The following CNTN3 variants were observed in gnomAD, a reference collection of about 807,000 sequenced individuals.
The protein encoded by CNTN3 is contactin-3.
CNTN3 carries 60 observed loss-of-function variants against 119.1 expected under a neutral mutation model. That is an observed-to-expected ratio of 0.50 (90% confidence interval 0.41 to 0.62). The LOEUF (loss-of-function observed/expected upper bound fraction) is 0.62. CNTN3 is among the 20% of genes least tolerant of loss of function. The pLI, the probability that CNTN3 is intolerant of heterozygous loss-of-function variation, is 0.00. For missense variants in CNTN3, 1,101 were observed against 1,242.4 expected, an observed-to-expected ratio of 0.89 and a Z score of 1.71; for synonymous variants, 450 against 438.7, an observed-to-expected ratio of 1.03 and a Z score of -0.32.
chr3:74,373,010 T>A (rs1270871706), intron 5 of CNTN3, among the ~76,000 whole-genome samples: 1 of 152,214 alleles, frequency 6.6e-6, no homozygotes, highest in Non-Finnish European at 1.5e-5. Flanking sequence ...AATTGCAAAT[T>A]ATACAGACAT....
intron 1 of CNTN3, among the ~76,000 whole-genome samples, chr3:74,582,942 G>A (rs1304334370): frequency 1.3e-5 from 2 of 152,094 alleles, no homozygotes; most frequent in Admixed American, 1.3e-4. Flanking sequence ...GAACCTGTGG[G>A]ATTTTAATTT....
intron 16 of CNTN3, among the ~76,000 whole-genome samples, chr3:74,300,977 G>C (rs535112360): frequency 4.3e-4 from 65 of 152,246 alleles, no homozygotes; most frequent in African/African-American, 1.5e-3. Flanking sequence ...TTCATCAATT[G>C]CTTAAGCTCC....
intron 16 of CNTN3, among the ~76,000 whole-genome samples, 197 bp from the exon 17 acceptor site, chr3:74,300,135 T>C (rs972346781): frequency 6.6e-6 from 1 of 152,160 alleles, no homozygotes; most frequent in Non-Finnish European, 1.5e-5. Context: ...ACAACATATT[T>C]ACATGAAATC....
intron 20 of CNTN3, among the ~76,000 whole-genome samples, chr3:74,275,530 T>C (rs1245055203): frequency 1.3e-5 from 2 of 152,198 alleles, no homozygotes; most frequent in African/African-American, 4.8e-5. Flanking sequence ...CAGCCAATAA[T>C]TTTGTATCCA....
chr3:74,546,207 G>A (rs1166498299), intron 1 of CNTN3, among the ~76,000 whole-genome samples: 1 of 152,136 alleles, frequency 6.6e-6, no homozygotes, highest in Non-Finnish European at 1.5e-5. Flanking sequence ...GTGTTAACCA[G>A]GATTGTCTCG....
chr3:74,496,230 C>G (rs1703060838), intron 3 of CNTN3, among the ~76,000 whole-genome samples: 1 of 152,082 alleles, frequency 6.6e-6, no homozygotes, highest in Non-Finnish European at 1.5e-5. Flanking sequence ...TACGACTTAC[C>G]TTTTTTGGTC....
chr3:74,275,568 G>T (rs928033193), intron 20 of CNTN3, among the ~76,000 whole-genome samples: 1 of 152,002 alleles, frequency 6.6e-6, no homozygotes. Flanking sequence ...ATAAAAGAAA[G>T]ATACAGTCTT....
At chr3:74,309,683 T>G (rs566350163) in intron 13 of CNTN3, among the ~76,000 whole-genome samples, 3 of 152,208 alleles carry the variant, frequency 2.0e-5, no homozygotes, top group Non-Finnish European at 4.4e-5. Context: ...TCCTGGGATA[T>G]TGCATTCCTC....
intron 1 of CNTN3, among the ~76,000 whole-genome samples, chr3:74,576,170 C>T (rs1022638860): frequency 1.3e-5 from 2 of 152,108 alleles, no homozygotes; most frequent in Non-Finnish European, 2.9e-5. Flanking sequence ...ATTTTCCTTC[C>T]TTCAAATCTA....
At chr3:74,536,282 G>A (rs986744685) in intron 1 of CNTN3, among the ~76,000 whole-genome samples, 10 of 152,062 alleles carry the variant, frequency 6.6e-5, no homozygotes, top group African/African-American at 2.2e-4. Flanking sequence ...GTAGGCCACA[G>A]AAGCCTCCCC....
rs1427919961 is a variant in CNTN3, at chr3:74,266,620, G to A, written c.2847C>T (p.Asn949=). 20 of 1,613,144 alleles carry A rather than the reference G, an allele frequency of 1.2e-5. No individual in the cohort carries two copies. The East Asian group carries it at 1.3e-4, about 11-fold the overall frequency. Residue 949 remains asparagine, a synonymous_variant, in exon 22 of 23, where the codon AAC becomes AAT. Coordinates refer to ENST00000263665, the MANE Select transcript of CNTN3 (RefSeq NM_020872.3). ...TTTTATTTGTGTTCAGTACTTGTAC[G>A]TTATTTTGACTGCTAGTCCTATAGA... is the stretch of plus-strand genomic sequence containing the variant. The part of the protein sequence containing the change: ...KVFYRTSSQN[N]VQVLNTNKTS...
intron 3 of CNTN3, among the ~76,000 whole-genome samples, chr3:74,490,325 G>A (rs1702939391): frequency 6.6e-6 from 1 of 152,174 alleles, no homozygotes; most frequent in Admixed American, 6.5e-5. Flanking sequence ...AGACTCTCAT[G>A]ACAAAGGGCA....
intron 11 of CNTN3, among the ~76,000 whole-genome samples, chr3:74,351,740 G>A (rs1703820533): frequency 6.6e-6 from 1 of 152,164 alleles, no homozygotes; most frequent in African/African-American, 2.4e-5. Flanking sequence ...TATGCTGGTG[G>A]TGGAGGGTAG....
At chr3:74,345,296 G>A (rs912118335) in intron 11 of CNTN3, among the ~76,000 whole-genome samples, 2 of 152,146 alleles carry the variant, frequency 1.3e-5, no homozygotes, top group African/African-American at 4.8e-5. Context: ...TCAAGCGCAG[G>A]TTCTGGTGGG....
intron 19 of CNTN3, among the ~76,000 whole-genome samples, chr3:74,291,335 A>G (rs908841130): frequency 6.6e-5 from 10 of 152,082 alleles, no homozygotes; most frequent in Non-Finnish European, 1.5e-4. Context: ...AGTCTTTGCT[A>G]TTGTGAATAG....
chr3:74,441,550 G>A (rs1701966854), intron 4 of CNTN3, among the ~76,000 whole-genome samples: 1 of 152,062 alleles, frequency 6.6e-6, no homozygotes, highest in Non-Finnish European at 1.5e-5. Context: ...CCCACCCTTT[G>A]GTACTTAAGA....
rs537674239 is a variant in CNTN3, at chr3:74,521,040, T to C, written c.55+18A>G. The C allele has an allele frequency of 8.0e-5, 123 of 1,544,820 alleles. 4 individuals are homozygous for C. The South Asian group carries it at 1.4e-3, about 17-fold the overall frequency. On this transcript the variant is annotated intron_variant, in intron 2 of 22. Coordinates refer to ENST00000263665, the MANE Select transcript of CNTN3 (RefSeq NM_020872.3). ...ATACTTCTAACCTCAACTTAGAAAATATAGGATTTTTTTTTACCTCCTAAG... is the reference window on the plus strand; with the variant it reads ...ATACTTCTAACCTCAACTTAGAAAACATAGGATTTTTTTTTACCTCCTAAG...
chr3:74,482,107 T>G (rs1702773790), intron 4 of CNTN3, among the ~76,000 whole-genome samples: 2 of 151,788 alleles, frequency 1.3e-5, no homozygotes, highest in African/African-American at 2.4e-5. Flanking sequence ...CATTTTCTAG[T>G]GAACAGAAAA....
At chr3:74,489,132 A>G (rs201207891) in intron 3 of CNTN3, among the ~76,000 whole-genome samples, 3 of 152,270 alleles carry the variant, frequency 2.0e-5, no homozygotes, top group African/African-American at 7.2e-5. Context: ...GAAACACAAT[A>G]TGGTCTGCAG....
Sources: allele counts gnomAD v4.1 joint callset (sites outside exome capture counted in the v4.1 genomes callset), GRCh38; gene constraint gnomAD v4.1.1; transcripts MANE v1.5; gene names NCBI Gene and HGNC (gene_info 2026-07-23, HGNC 2026-07-21).